Variants in AMZ2 observed in about 807,000 individuals in gnomAD.
The protein encoded by AMZ2 is archaelysin family metallopeptidase 2.
In AMZ2, 26 loss-of-function variants were observed where a neutral mutation model predicts 36.7. The ratio of observed to expected loss-of-function variants is 0.71; its 90% CI spans 0.52 to 0.98. AMZ2 has a LOEUF of 0.98. Ranked by LOEUF, AMZ2 falls within the 50% of genes least tolerant of loss-of-function variation. The probability of loss-of-function intolerance (pLI) is 0.00; values close to 1 mark genes in which losing one functional copy is unlikely to be tolerated. For missense variants in AMZ2, 394 were observed against 430.5 expected (o/e 0.92, Z 0.75); for synonymous variants, 144 against 149.1 (o/e 0.97, Z 0.25).
Position 68,235,333 on chromosome 17 carries a change from T to C in AMZ2, c.-66-13307T>C, listed in dbSNP as rs1469794229. Among the ~76,000 whole-genome samples, 1 of 152,260 alleles carries C rather than the reference T, an allele frequency of 6.6e-6. No homozygotes were observed. Among genetic ancestry groups the C allele is most frequent in the African/African-American group, 2.4e-5 (1 of 41,472 alleles). On this transcript the variant is annotated intron_variant, in intron 1 of 7. Coordinates refer to the AMZ2 transcript ENST00000674770. This position sits in a 1 kb window ranked among gnomAD's most constrained non-coding sequence, Gnocchi z 4.2. The stretch of plus-strand genomic sequence containing the variant: ...AAACAGTTGAAAGGAGCTGTTCCCA[T>C]GTCTTATTTAATTCTCTCATTAAGC...
intron 1 of AMZ2, chr17:68,207,313 A>ACCT: frequency 1.8e-5 from 2 of 110,702 alleles, no homozygotes; most frequent in East Asian, 2.6e-4. Context: ...TTTGTTAAAT[A>ACCT]CCCCCCCCCC....
chr17:68,223,791 C>T (rs1253725137), intron 1 of AMZ2, among the ~76,000 whole-genome samples: 1 of 151,994 alleles, frequency 6.6e-6, no homozygotes, highest in Non-Finnish European at 1.5e-5. Flanking sequence ...TCTTCGCTCA[C>T]TGCAACTTCT....
chr17:68,253,997 G>A lies in AMZ2; in HGVS notation c.587-407G>A, dbSNP rs200131691. 3.4e-4 allele frequency among the ~76,000 whole-genome samples: 51 copies of A among 152,042 alleles called. 1 individual carries two copies. The highest frequency in any genetic ancestry group is 1.2e-3 in the East Asian group (6 of 5,178). On this transcript the variant is annotated intron_variant, in intron 4 of 6. Transcript: ENST00000359904. Reference sequence around the variant, plus strand: ...TGACATCAGGTGATCCACCTGCCTCGGCCTCCCAAAGTCCTAGGATTACAA... The same window carrying A: ...TGACATCAGGTGATCCACCTGCCTCAGCCTCCCAAAGTCCTAGGATTACAA...
chr17:68,256,945 A>G lies in AMZ2; in HGVS notation c.1059A>G (p.Lys353=). Residue 353 remains lysine, a synonymous_variant, in exon 7 of 7, where the codon AAA becomes AAG. Transcript: ENST00000359904. ...AGGAATGGAAAGAGTGGATAATAAA[A>G]TGCCTGGCTGTTCTCCAAAAATGAG... ...AFKEWKEWII[K]CLAVLQK The G allele has an allele frequency of 1.2e-6, 2 of 1,613,930 alleles. No homozygotes were observed. The highest frequency in any genetic ancestry group is 1.7e-6 in the Non-Finnish European group (2 of 1,179,966).
chr17:68,217,005 C>A (rs375801662), intron 1 of AMZ2, among the ~76,000 whole-genome samples: 1 of 150,056 alleles, frequency 6.7e-6, no homozygotes, highest in Non-Finnish European at 1.5e-5. Context: ...TGCACTCCAG[C>A]CTGGGCGACA....
In AMZ2 at chr17:68,250,353, C is replaced by G; in HGVS notation, c.166C>G (p.Pro56Ala). Residue 56 changes from proline (P) to alanine (A), a missense_variant, in exon 2 of 7, where the codon CCA becomes GCA. Coordinates refer to ENST00000359904, the MANE Select transcript of AMZ2 (RefSeq NM_016627.5). ...DLFGPITLHS[P>A]SDWITSHPEA... ...CTTTGGACCCATTACCTTGCATTCT[C>G]CATCAGATTGGATCACCTCCCACCC... The G allele has an allele frequency of 6.2e-7, 1 of 1,614,214 alleles. No individual in the cohort carries two copies. Among genetic ancestry groups the G allele is most frequent in the Non-Finnish European group, 8.5e-7 (1 of 1,180,046 alleles).
rs571315040 is a variant in AMZ2 at position 68,250,299 on chromosome 17, A to G, written c.112A>G (p.Asn38Asp). ...KLNAGEQRLMNEAFQPASDLF... is the reference protein window; with the variant it reads ...KLNAGEQRLMDEAFQPASDLF... ...AAATGCTGGGGAACAACGTTTAATG[A>G]ATGAAGCCTTCCAGCCAGCCAGTGA... The change falls in exon 2 of 7, where the codon AAT (asparagine) becomes GAT (aspartate). Residue 38 changes from asparagine to aspartate, a missense_variant. Transcript: ENST00000359904. The G allele has an allele frequency of 6.2e-7, 1 of 1,614,198 alleles. No homozygotes were observed. The highest frequency in any genetic ancestry group is 1.3e-5 in the African/African-American group (1 of 75,042).
chr17:68,228,669 C>T (rs2073577849), intron 1 of AMZ2, among the ~76,000 whole-genome samples: 1 of 152,274 alleles, frequency 6.6e-6, no homozygotes, highest in Non-Finnish European at 1.5e-5. Context: ...CAAAGTCCAT[C>T]TGTTGGCAAG....
rs145685949 is a variant in AMZ2 at position 68,217,810 on chromosome 17, ATTTTT to A, written c.-67+11588_-67+11592del. On this transcript the variant is annotated intron_variant, in intron 1 of 7. Transcript: ENST00000674770. ...GTTAGTGAAGCATATAATAAAAAAG[ATTTTT>A]TTTTTTTTTTTTTTTGAGATGGAGG... 9.9e-4 allele frequency among the ~76,000 whole-genome samples: 135 copies of A among 136,332 alleles called. 1 individual carries two copies. The highest frequency in any genetic ancestry group is 1.1e-3 in the African/African-American group (39 of 35,496). The allele number at this position is 136,332 out of a possible 152,430, so 89.4% of individuals were successfully genotyped here. A position where few individuals can be genotyped will look rare whatever the true frequency, so the allele number is the denominator to read the frequency against.
intron 1 of AMZ2, among the ~76,000 whole-genome samples, chr17:68,242,618 G>A (rs1278849993): frequency 6.6e-6 from 1 of 152,100 alleles, no homozygotes; most frequent in African/African-American, 2.4e-5. Flanking sequence ...TCACCTTGTT[G>A]GCCAGGCAGG....
At chr17:68,228,145 C>T (rs2073564328) in intron 1 of AMZ2, among the ~76,000 whole-genome samples, 1 of 152,076 alleles carries the variant, frequency 6.6e-6, no homozygotes, top group Admixed American at 6.6e-5. Context: ...GCTCAGCTCC[C>T]CATCCTGAGA....
intron 1 of AMZ2, among the ~76,000 whole-genome samples, chr17:68,239,421 G>C (rs1163836985): frequency 6.6e-6 from 1 of 152,156 alleles, no homozygotes; most frequent in Non-Finnish European, 1.5e-5. Context: ...CTAAGGGCCA[G>C]GGGAAAAGCA....
At chr17:68,255,673 T>G (rs1555742311) in intron 5 of AMZ2, 27 bp from the exon 6 acceptor site, 1 of 1,604,444 alleles carries the variant, frequency 6.2e-7, no homozygotes, top group Non-Finnish European at 8.5e-7. Flanking sequence ...GGTGGTCTTA[T>G]AAAGCCTCAA....
chr17:68,232,842 AAG>A (rs1419971799), intron 1 of AMZ2, among the ~76,000 whole-genome samples: 1 of 152,188 alleles, frequency 6.6e-6, no homozygotes, highest in Non-Finnish European at 1.5e-5. Flanking sequence ...TCTCAAAAAA[AAG>A]AGAGACAAAC....
intron 1 of AMZ2, among the ~76,000 whole-genome samples, chr17:68,237,492 A>G (rs1350046058): frequency 6.6e-6 from 1 of 152,144 alleles, no homozygotes; most frequent in African/African-American, 2.4e-5. Flanking sequence ...CCTGCACCAC[A>G]CTTGCTCTCA....
intron 1 of AMZ2, chr17:68,249,554 C>T (rs2144707048): frequency 6.6e-6 from 1 of 152,474 alleles, no homozygotes; most frequent in Non-Finnish European, 1.5e-5. Context: ...CTGCCTTGGC[C>T]TCCCAAAGTG....
At chr17:68,241,999 C>G (rs538627785) in intron 1 of AMZ2, among the ~76,000 whole-genome samples, 1 of 151,818 alleles carries the variant, frequency 6.6e-6, no homozygotes, top group South Asian at 2.1e-4. Context: ...CTGCCTCAGG[C>G]TCCCAAAGTG....
chr17:68,234,617 A>G (rs2073743825), intron 1 of AMZ2, among the ~76,000 whole-genome samples: 1 of 151,850 alleles, frequency 6.6e-6, no homozygotes, highest in Admixed American at 6.6e-5. Flanking sequence ...CAACAATAAA[A>G]AAATTAGCTG....
rs555622945 is a variant in AMZ2, at chr17:68,253,349, C to G, written c.587-1055C>G. 1.2e-3 allele frequency among the ~76,000 whole-genome samples: 185 copies of G among 152,284 alleles called. 1 individual carries two copies. Among genetic ancestry groups the G allele is most frequent in the African/African-American group, 4.3e-3 (178 of 41,542 alleles). On this transcript the variant is annotated intron_variant, in intron 4 of 6. Coordinates refer to ENST00000359904, the MANE Select transcript of AMZ2 (RefSeq NM_016627.5). ...TACTATGGGTTTATTACTTTAAAAA[C>G]TGAACGAGAGACATAAATAAAAGTG...
Sources: gnomAD v4.1 joint callset for allele counts (sites outside exome capture counted in the v4.1 genomes callset) on GRCh38, gnomAD v4.1.1 for gene constraint, Gnocchi (gnomAD v3.1) non-coding constraint, MANE v1.5 for transcripts, NCBI Gene and HGNC (gene_info 2026-07-23, HGNC 2026-07-21) for gene names.